The following STK26 variants were observed in gnomAD, a reference collection of about 807,000 sequenced individuals.
STK26 encodes serine/threonine kinase 26, also known as serine/threonine-protein kinase 26.
A neutral mutation model predicts 34.7 loss-of-function variants in STK26; 14 were observed. The observed-to-expected ratio is 0.40, with a 90% CI of 0.27 to 0.63. The LOEUF is 0.63. STK26 is among the 30% of genes least tolerant of loss of function. The pLI is 0.38. For synonymous variants in STK26, 100 were observed against 109.8 expected (o/e 0.91, Z 0.56); for missense variants, 226 against 309.1 (o/e 0.73, Z 2.02).
At chrX:132,029,860 C>T (rs1925764378) in intron 2 of STK26, among the ~76,000 whole-genome samples, 1 of 111,589 alleles carries the variant, frequency 9.0e-6, no homozygotes, top group African/African-American at 3.3e-5. Flanking sequence ...ATGTATTATA[C>T]TGCCTTAGAT....
At chrX:132,042,368 T>C (rs1319524305) in intron 2 of STK26, among the ~76,000 whole-genome samples, 1 of 111,295 alleles carries the variant, frequency 9.0e-6, no homozygotes, top group Non-Finnish European at 1.9e-5. Context: ...AAATTGTCAC[T>C]GAGATTGCTG....
chrX:132,065,592 G>A (rs1373639820), intron 4 of STK26, among the ~76,000 whole-genome samples: 2 of 111,974 alleles, frequency 1.8e-5, no homozygotes, highest in East Asian at 5.6e-4. Context: ...ATCTCATCCT[G>A]CTATTCTGAA....
intron 4 of STK26, 28 bp downstream of exon 4, chrX:132,063,517 G>C: frequency 8.6e-7 from 1 of 1,168,782 alleles, no homozygotes; most frequent in Non-Finnish European, 1.2e-6. Context: ...GTTACACACA[G>C]ATGCAAATGT....
intron 2 of STK26, among the ~76,000 whole-genome samples, chrX:132,041,164 A>C (rs1309544784): frequency 9.0e-6 from 1 of 111,613 alleles, no homozygotes; most frequent in Non-Finnish European, 1.9e-5. Flanking sequence ...TCATCTGCTG[A>C]AAGCTTTCAG....
intron 2 of STK26, among the ~76,000 whole-genome samples, chrX:132,027,819 G>T (rs189747530): frequency 9.0e-6 from 1 of 110,579 alleles, no homozygotes; most frequent in East Asian, 2.8e-4. Context: ...GGATTGAGAG[G>T]GGAAGGCAGT....
At chrX:132,030,442 A>G (rs948476047) in intron 2 of STK26, among the ~76,000 whole-genome samples, 32 of 111,138 alleles carry the variant, frequency 2.9e-4, no homozygotes, top group Non-Finnish European at 5.5e-4. Flanking sequence ...CATAAATAAA[A>G]AACTGTTTTA....
At chrX:132,054,255 C>G (rs1926782772) in intron 2 of STK26, among the ~76,000 whole-genome samples, 1 of 112,230 alleles carries the variant, frequency 8.9e-6, no homozygotes, top group Non-Finnish European at 1.9e-5. Flanking sequence ...GAAACTTAAA[C>G]AGTTCACCTT....
chrX:132,034,019 T>C (rs1434739399), intron 2 of STK26, among the ~76,000 whole-genome samples: 1 of 108,531 alleles, frequency 9.2e-6, no homozygotes, highest in East Asian at 2.8e-4. Context: ...CAGGATGGCC[T>C]TCAATAGACT....
chrX:132,046,913 T>C (rs968672383), intron 2 of STK26, among the ~76,000 whole-genome samples: 9 of 112,161 alleles, frequency 8.0e-5, no homozygotes, highest in Non-Finnish European at 1.1e-4. Flanking sequence ...TAATAAACTT[T>C]GAGAAAGATG....
At chrX:132,034,346 G>A (rs12839181) in intron 2 of STK26, among the ~76,000 whole-genome samples, 20,038 of 79,000 alleles carry the variant, frequency 0.25, 2,791 homozygotes, top group Admixed American at 0.41. Context: ...TCGCTCTGTC[G>A]CCCAGGCTGG....
chrX:132,055,937 A>G (rs1926842301), intron 3 of STK26, among the ~76,000 whole-genome samples: 1 of 112,275 alleles, frequency 8.9e-6, no homozygotes, highest in Non-Finnish European at 1.9e-5. Context: ...CAGTTCTGCT[A>G]TTGACACTTT....
chrX:132,045,645 G>A (rs143711918), intron 2 of STK26, among the ~76,000 whole-genome samples: 6,915 of 111,595 alleles, frequency 0.062, 199 homozygotes, highest in Middle Eastern at 0.1. Context: ...GGTCAGAGAG[G>A]AATTAGCTAA....
intron 2 of STK26, among the ~76,000 whole-genome samples, chrX:132,042,083 G>A (rs780967964): frequency 3.6e-5 from 4 of 111,281 alleles, no homozygotes; most frequent in South Asian, 7.5e-4. Flanking sequence ...ATCAATGGGT[G>A]TAAAAACGGG....
chrX:132,067,672 A>G (rs1231156540), intron 4 of STK26, among the ~76,000 whole-genome samples: 1 of 111,485 alleles, frequency 9.0e-6, no homozygotes, highest in Admixed American at 9.6e-5. Context: ...TTCTTGGCTA[A>G]ATTTACAATT....
chrX:132,051,488 C>T (rs55653024), intron 2 of STK26, among the ~76,000 whole-genome samples: 2,012 of 111,455 alleles, frequency 0.018, 42 homozygotes, highest in African/African-American at 0.063. Flanking sequence ...TTTGACACTA[C>T]AGAACATAGA....
At chrX:132,052,938 G>T (rs1160750852) in intron 2 of STK26, among the ~76,000 whole-genome samples, 6 of 111,729 alleles carry the variant, frequency 5.4e-5, no homozygotes, top group Non-Finnish European at 9.4e-5. Flanking sequence ...TTTCCACAAG[G>T]TATTACAAAG....
chrX:132,054,768 C>G lies in STK26; in HGVS notation c.180C>G (p.Ala60=), dbSNP rs889806014. The G allele has an allele frequency of 8.3e-7, 1 of 1,210,421 alleles. No homozygotes were observed. ...VAIKIIDLEE[A]EDEIEDIQQE... The stretch of plus-strand genomic sequence containing the variant: ...TTAAAATCATAGACCTTGAGGAAGC[C>G]GAAGATGAAATAGAAGACATTCAGC... The change falls in exon 3 of 12, where the codon GCC becomes GCG. Residue 60 remains alanine (A), a synonymous_variant. Coordinates refer to ENST00000394334, the MANE Select transcript of STK26 (RefSeq NM_016542.4).
intron 6 of STK26, 145 bp downstream of exon 6, chrX:132,068,714 TA>T (rs763756786): frequency 3.2e-6 from 2 of 631,060 alleles, no homozygotes; most frequent in East Asian, 7.2e-5. Context: ...TGCTTAATCA[TA>T]AATTCCCTCA....
rs1926400225 is a variant in STK26 at position 132,044,700 on chromosome X, G to GAGAGATCTATATATATATTTATATATAT, written c.43-9926_43-9925insTCTATATATATATTTATATATATAGAGA. Among the ~76,000 whole-genome samples, 8 of 68,715 alleles carry GAGAGATCTATATATATATTTATATATAT rather than the reference G, an allele frequency of 1.2e-4. 1 individual carries two copies. The highest frequency in any genetic ancestry group is 2.3e-4 in the African/African-American group (4 of 17,398). The allele number at this position is 68,715 out of a possible 115,157, so 59.7% of individuals were successfully genotyped here. A position where few individuals can be genotyped will look rare whatever the true frequency, so the allele number is the denominator to read the frequency against. Reference sequence around the variant, plus strand: ...ATATATATATATATAGAGAGAGAGAGAGAGAGAGATCTATATATATATTTA... The same window carrying GAGAGATCTATATATATATTTATATATAT: ...ATATATATATATATAGAGAGAGAGAGAGAGATCTATATATATATTTATATATATAGAGAGAGATCTATATATATATTTA... On this transcript the variant is annotated intron_variant, in intron 2 of 11. Coordinates refer to ENST00000394334, the MANE Select transcript of STK26 (RefSeq NM_016542.4).
Sources: gnomAD v4.1 joint callset for allele counts (sites outside exome capture counted in the v4.1 genomes callset) on GRCh38, gnomAD v4.1.1 for gene constraint, MANE v1.5 for transcripts, NCBI Gene and HGNC (gene_info 2026-07-23, HGNC 2026-07-21) for gene names.